Variants in PALLD observed in about 807,000 individuals in gnomAD.
PALLD encodes the protein palladin.
Under a neutral mutation model 123.5 loss-of-function variants are expected in PALLD, and 61 were observed. That is an observed-to-expected ratio of 0.49 (90% CI 0.40 to 0.61). The LOEUF (loss-of-function observed/expected upper bound fraction) is 0.61, where lower values mean the gene tolerates loss of function less well. PALLD is among the 20% of genes least tolerant of loss of function. PALLD has a pLI of 0.00. For missense variants in PALLD, 1,273 were observed against 1,377.0 expected, an observed-to-expected ratio of 0.92 and a Z score of 1.20; for synonymous variants, 465 against 496.4, an observed-to-expected ratio of 0.94 and a Z score of 0.84.
intron 10 of PALLD, among the ~76,000 whole-genome samples, chr4:168,823,783 G>T (rs558122058): frequency 2.6e-5 from 4 of 152,174 alleles, no homozygotes; most frequent in Non-Finnish European, 5.9e-5. Flanking sequence ...AGGGGCCTTC[G>T]TTCATAATAT....
At chr4:168,668,887 A>G (rs1021348147) in intron 3 of PALLD, among the ~76,000 whole-genome samples, 1 of 152,216 alleles carries the variant, frequency 6.6e-6, no homozygotes, top group African/African-American at 2.4e-5. Context: ...TGTATTAAAG[A>G]GGGGTACGCA....
chr4:168,587,726 C>T (rs998928121), intron 2 of PALLD, among the ~76,000 whole-genome samples: 1 of 152,104 alleles, frequency 6.6e-6, no homozygotes, highest in Non-Finnish European at 1.5e-5. Flanking sequence ...AGGATTTCAC[C>T]ACCTCCTCCC....
At chr4:168,918,978 G>A (rs769408394) in intron 17 of PALLD, among the ~76,000 whole-genome samples, 7 of 151,882 alleles carry the variant, frequency 4.6e-5, no homozygotes, top group Non-Finnish European at 1.0e-4. Context: ...GCTATATGGG[G>A]GTAATGGTAT....
intron 15 of PALLD, among the ~76,000 whole-genome samples, chr4:168,905,937 A>G (rs1172262213): frequency 6.6e-6 from 1 of 151,564 alleles, no homozygotes; most frequent in African/African-American, 2.4e-5. Flanking sequence ...CGCTCAGCTA[A>G]TTTTTTGTAT....
chr4:168,785,972 T>C (rs1736695747), intron 10 of PALLD, among the ~76,000 whole-genome samples: 1 of 150,428 alleles, frequency 6.6e-6, no homozygotes, highest in African/African-American at 2.4e-5. Flanking sequence ...GTGATTCACA[T>C]TAATATTTTG....
At chr4:168,601,361 A>G (rs1772629893) in intron 2 of PALLD, among the ~76,000 whole-genome samples, 2 of 152,240 alleles carry the variant, frequency 1.3e-5, no homozygotes. Flanking sequence ...CATTAGCTCA[A>G]TTTGTATGTC....
At chr4:168,580,713 G>A (rs750662117) in intron 2 of PALLD, among the ~76,000 whole-genome samples, 1 of 151,944 alleles carries the variant, frequency 6.6e-6, no homozygotes, top group East Asian at 1.9e-4. Context: ...GCAAAAACAT[G>A]GAATCAACCT....
intron 2 of PALLD, among the ~76,000 whole-genome samples, chr4:168,564,096 T>G (rs1288888846): frequency 6.6e-6 from 1 of 152,068 alleles, no homozygotes; most frequent in Non-Finnish European, 1.5e-5. Flanking sequence ...AAGATGAGAG[T>G]TTTATTCTGA....
At chr4:168,859,427 G>A (rs1015774319) in intron 10 of PALLD, among the ~76,000 whole-genome samples, 2 of 152,200 alleles carry the variant, frequency 1.3e-5, no homozygotes, top group African/African-American at 2.4e-5. Flanking sequence ...GGGTAGCACC[G>A]ACGGTGCCCC....
intron 10 of PALLD, among the ~76,000 whole-genome samples, chr4:168,744,702 A>G (rs997726215): frequency 2.0e-5 from 3 of 152,232 alleles, no homozygotes; most frequent in Non-Finnish European, 4.4e-5. Flanking sequence ...TTTCAACTTT[A>G]TGATGGAGTG....
chr4:168,832,730 A>G (rs963319295), intron 10 of PALLD: 14 of 151,984 alleles, frequency 9.2e-5, no homozygotes, highest in African/African-American at 3.1e-4. Context: ...GGGATGGTTC[A>G]CCCCACCTGG....
At chr4:168,759,222 T>A (rs1343625253) in intron 10 of PALLD, among the ~76,000 whole-genome samples, 1,022 of 31,940 alleles carry the variant, frequency 0.032, 159 homozygotes, top group African/African-American at 0.047. Flanking sequence ...TATATATATA[T>A]ATATATATAT....
At chr4:168,537,152 C>A (rs1264772403) in intron 2 of PALLD, among the ~76,000 whole-genome samples, 1 of 152,162 alleles carries the variant, frequency 6.6e-6, no homozygotes, top group Non-Finnish European at 1.5e-5. Flanking sequence ...TTAGTGCTTT[C>A]AAATTATCTT....
At chr4:168,917,338 A>G (rs1760391444) in intron 17 of PALLD, among the ~76,000 whole-genome samples, 1 of 152,082 alleles carries the variant, frequency 6.6e-6, no homozygotes, top group African/African-American at 2.4e-5. Flanking sequence ...ATGAGCCACC[A>G]CACCCGGCCT....
chr4:168,537,976 T>C (rs1052367296), intron 2 of PALLD, among the ~76,000 whole-genome samples: 4 of 152,214 alleles, frequency 2.6e-5, no homozygotes, highest in Admixed American at 2.6e-4. Context: ...CCCCTTCAGG[T>C]GAGAATAACC....
At chr4:168,816,760 G>C (rs1302327547) in intron 10 of PALLD, among the ~76,000 whole-genome samples, 2 of 151,672 alleles carry the variant, frequency 1.3e-5, no homozygotes, top group South Asian at 2.1e-4. Context: ...ACTGATGGGG[G>C]ATTGGCTAGT....
At chr4:168,692,543 A>G (rs1487619339) in intron 8 of PALLD, among the ~76,000 whole-genome samples, 18 of 152,216 alleles carry the variant, frequency 1.2e-4, no homozygotes, top group Admixed American at 1.2e-3. Context: ...ATGAGCTAAT[A>G]TGGGAATCCT....
chr4:168,752,262 T>C (rs1336751772), intron 10 of PALLD, among the ~76,000 whole-genome samples: 1 of 152,196 alleles, frequency 6.6e-6, no homozygotes, highest in African/African-American at 2.4e-5. Context: ...TAGTCCCAGC[T>C]ACTCAGGAGG....
rs1762743780 is a variant in PALLD, at chr4:168,927,786, A to G, written c.*1606A>G. ...ATTCTGACCAGACTTGATGGTTTTA[A>G]GTCGGAACCGATAAATTTTAAAAAG... On this transcript the variant is annotated 3_prime_UTR_variant, in exon 22 of 22. Coordinates refer to ENST00000505667, the MANE Select transcript of PALLD (RefSeq NM_001166108.2). 4.6e-6 allele frequency: 1 copy of G among 219,042 alleles called. No homozygotes were observed. Among genetic ancestry groups the G allele is most frequent in the East Asian group, 6.7e-5 (1 of 14,894 alleles). The allele number at this position is 219,042 out of a possible 1,614,324, so 13.6% of individuals were successfully genotyped here.
Sources: gnomAD v4.1 joint callset for allele counts (sites outside exome capture counted in the v4.1 genomes callset) on GRCh38, gnomAD v4.1.1 for gene constraint, MANE v1.5 for transcripts, NCBI Gene and HGNC (gene_info 2026-07-23, HGNC 2026-07-21) for gene names.